Variants in CAPS2 observed in about 807,000 individuals in gnomAD.
CAPS2 encodes calcyphosin-2.
Under a neutral mutation model 86.5 loss-of-function variants are expected in CAPS2, and 98 were observed. That is an observed-to-expected ratio of 1.13 (90% confidence interval 0.96 to 1.34). The LOEUF (loss-of-function observed/expected upper bound fraction) is 1.34, where lower values mean the gene tolerates loss of function less well. CAPS2 is among the 40% of genes most tolerant of loss of function. The probability of loss-of-function intolerance (pLI) is 0.00; values close to 1 mark genes in which losing one functional copy is unlikely to be tolerated. For synonymous variants in CAPS2, 210 were observed against 225.1 expected (o/e 0.93, Z 0.60); for missense variants, 729 against 686.8 (o/e 1.06, Z -0.69).
At chr12:75,317,362 C>T (rs746470068) in intron 5 of CAPS2, among the ~76,000 whole-genome samples, 2 of 152,064 alleles carry the variant, frequency 1.3e-5, no homozygotes, top group Admixed American at 6.6e-5. Flanking sequence ...ATACTTCTTT[C>T]TAAATAGCGA....
intron 1 of CAPS2, among the ~76,000 whole-genome samples, chr12:75,357,221 A>G (rs1464838365): frequency 6.6e-6 from 1 of 152,188 alleles, no homozygotes; most frequent in Non-Finnish European, 1.5e-5. Context: ...CACTGTTTAC[A>G]TTAGTATCAG....
rs1393618428 is a variant in CAPS2, at chr12:75,298,909, G to C, written c.912C>G (p.Ser304=). ...ATTGTCGATATTCATAAATTGTAAG[G>C]GATTGGTCATGAGTGAAAAAGAACC... The change falls in exon 10 of 17, where the codon TCC becomes TCG. Residue 304 remains serine, a synonymous_variant. Transcript: ENST00000393284. The C allele has an allele frequency of 3.1e-6, 5 of 1,611,406 alleles. No individual in the cohort carries two copies. The South Asian group carries it at 3.3e-5, about 11-fold the overall frequency.
At chr12:75,388,106 T>C (rs2045384618) in intron 1 of CAPS2, among the ~76,000 whole-genome samples, 1 of 152,190 alleles carries the variant, frequency 6.6e-6, no homozygotes, top group Non-Finnish European at 1.5e-5. Context: ...AACTGAATCA[T>C]GGGGGCAGGT....
upstream of CAPS2, among the ~76,000 whole-genome samples, chr12:75,330,432 T>G (rs2139154786): frequency 6.6e-6 from 1 of 152,358 alleles, no homozygotes; most frequent in Middle Eastern, 3.4e-3. Flanking sequence ...CGGCGGTTGT[T>G]GTGTAATTCT....
intron 1 of CAPS2, among the ~76,000 whole-genome samples, chr12:75,383,796 C>T (rs1478032642): frequency 2.0e-5 from 3 of 152,064 alleles, no homozygotes; most frequent in Non-Finnish European, 2.9e-5. Flanking sequence ...CACACCTTAA[C>T]AAATTTAGAA....
At chr12:75,325,407 T>C in intron 1 of CAPS2, 119 bp from the exon 3 acceptor site, 3 of 862,028 alleles carry the variant, frequency 3.5e-6, no homozygotes, top group Non-Finnish European at 3.4e-6. Context: ...CAGTAAATTC[T>C]ATATAATAAA....
At chr12:75,286,889 T>C (rs2034967767) in intron 14 of CAPS2, among the ~76,000 whole-genome samples, 1 of 151,732 alleles carries the variant, frequency 6.6e-6, no homozygotes, top group Non-Finnish European at 1.5e-5. Flanking sequence ...ATGTTAGAAG[T>C]CTTATATAAT....
chr12:75,306,559 ATAAG>A (rs991716788), intron 7 of CAPS2, among the ~76,000 whole-genome samples: 2 of 152,216 alleles, frequency 1.3e-5, no homozygotes, highest in Non-Finnish European at 2.9e-5. Context: ...ATGTTTGTTT[ATAAG>A]TAAGTTTGGT....
chr12:75,276,271 G>C (rs751405137), downstream of CAPS2: 44 of 1,532,978 alleles, frequency 2.9e-5, no homozygotes, highest in South Asian at 5.1e-4. Context: ...TAGTTTATCA[G>C]GGTACATGTT....
Position 75,366,959 on chromosome 12 carries a change from G to A in CAPS2, c.-395+23879C>T, listed in dbSNP as rs756997907. 4.3e-6 allele frequency: 3 copies of A among 701,742 alleles called. No homozygotes were observed. In the South Asian group the frequency reaches 4.4e-5, roughly 10 times the overall value. The allele number at this position is 701,742 out of a possible 1,614,324, so 43.5% of individuals were successfully genotyped here. A position where few individuals can be genotyped will look rare whatever the true frequency, so the allele number is the denominator to read the frequency against. On this transcript the variant is annotated intron_variant, in intron 1 of 5. Coordinates refer to the CAPS2 transcript ENST00000551829. ...TCCCACTCAGTCCCCAGTCACCCAAGGGGCAGCTTGCAGCTTGCAGTAACA... is the reference window on the plus strand; with the variant it reads ...TCCCACTCAGTCCCCAGTCACCCAAAGGGCAGCTTGCAGCTTGCAGTAACA...
chr12:75,355,383 T>C (rs76002134), intron 1 of CAPS2, among the ~76,000 whole-genome samples: 10,186 of 152,230 alleles, frequency 0.067, 480 homozygotes, highest in African/African-American at 0.14. Context: ...CTCAACATCA[T>C]TGGTCATTAG....
intron 16 of CAPS2, 82 bp downstream of exon 16, chr12:75,282,169 T>G: frequency 2.4e-6 from 2 of 818,552 alleles, no homozygotes; most frequent in Non-Finnish European, 4.2e-6. Flanking sequence ...GGCCTCAGTC[T>G]AAGGTTTAAA....
At chr12:75,353,302 G>T (rs533845785) in intron 1 of CAPS2, among the ~76,000 whole-genome samples, 3 of 152,240 alleles carry the variant, frequency 2.0e-5, no homozygotes, top group African/African-American at 7.2e-5. Flanking sequence ...AATAAAAAAT[G>T]ATAAAGGGGT....
At chr12:75,321,913 A>C (rs988903373) in intron 4 of CAPS2, among the ~76,000 whole-genome samples, 2 of 152,092 alleles carry the variant, frequency 1.3e-5, no homozygotes, top group African/African-American at 4.8e-5. Context: ...CCCCAGAAGA[A>C]CTTCACTGTA....
chr12:75,317,438 G>C (rs1434299596), intron 5 of CAPS2, among the ~76,000 whole-genome samples: 1 of 152,056 alleles, frequency 6.6e-6, no homozygotes, highest in African/African-American at 2.4e-5. Flanking sequence ...TTAATTTAAT[G>C]CATATATTTA....
chr12:75,320,807 CAA>C (rs2040227007), intron 5 of CAPS2, among the ~76,000 whole-genome samples: 1 of 151,788 alleles, frequency 6.6e-6, no homozygotes, highest in Non-Finnish European at 1.5e-5. Context: ...TTCTAAAAAT[CAA>C]GATTGACTTT....
At chr12:75,369,764 A>G in intron 1 of CAPS2, 1 of 984,766 alleles carries the variant, frequency 1.0e-6, no homozygotes, top group Non-Finnish European at 1.2e-6. Context: ...ATATTTGTTG[A>G]CATAACACTG....
intron 1 of CAPS2, among the ~76,000 whole-genome samples, chr12:75,348,639 A>G (rs185421615): frequency 1.3e-5 from 2 of 152,330 alleles, no homozygotes; most frequent in Admixed American, 1.3e-4. Flanking sequence ...GTTAAGCATC[A>G]TACTGCTTTG....
intron 13 of CAPS2, among the ~76,000 whole-genome samples, chr12:75,290,786 G>A (rs1209130412): frequency 6.6e-6 from 1 of 151,824 alleles, no homozygotes; most frequent in Non-Finnish European, 1.5e-5. Context: ...GCCGGGTGTG[G>A]TGGCATGCAC....
Sources: gnomAD v4.1 joint callset for allele counts (sites outside exome capture counted in the v4.1 genomes callset) on GRCh38, gnomAD v4.1.1 for gene constraint, MANE v1.5 for transcripts, NCBI Gene and HGNC (gene_info 2026-07-23, HGNC 2026-07-21) for gene names.